The following LIPN variants were observed in gnomAD, a reference collection of about 807,000 sequenced individuals.
LIPN encodes lipase family member N, also known as lipase member N.
A neutral mutation model predicts 43.7 loss-of-function variants in LIPN; 32 were observed. That is an observed-to-expected ratio of 0.73 (90% confidence interval 0.55 to 0.98). The LOEUF (loss-of-function observed/expected upper bound fraction) is 0.98. LIPN is among the 50% of genes least tolerant of loss of function. The pLI is 0.00. For missense variants in LIPN, 505 were observed against 483.8 expected, an observed-to-expected ratio of 1.04 and a Z score of -0.41; for synonymous variants, 156 against 157.6, an observed-to-expected ratio of 0.99 and a Z score of 0.08.
intron 5 of LIPN, 109 bp downstream of exon 5, chr10:88,766,487 C>T (rs772388048): frequency 7.8e-4 from 573 of 738,698 alleles, no homozygotes; most frequent in Non-Finnish European, 1.2e-3. Context: ...CTTATAGTGC[C>T]CTCAATTCCC....
intron 2 of LIPN, among the ~76,000 whole-genome samples, chr10:88,761,764 TATCTATCTATCTATTTATCTATC>T (rs1564578430): frequency 0.03 from 1,891 of 63,344 alleles, 25 homozygotes; most frequent in African/African-American, 0.12. Flanking sequence ...TCTATCTATG[TATCTATCTATCTATTTATCTATC>T]TATCTATCTA....
intron 7 of LIPN, among the ~76,000 whole-genome samples, chr10:88,772,142 A>T (rs908207822): frequency 6.6e-6 from 1 of 151,016 alleles, no homozygotes; most frequent in Non-Finnish European, 1.5e-5. Context: ...ACCTCTTTAT[A>T]TATTCTGGTT....
intron 9 of LIPN, among the ~76,000 whole-genome samples, chr10:88,777,319 C>G (rs113027999): frequency 3.3e-5 from 5 of 152,134 alleles, no homozygotes; most frequent in African/African-American, 1.2e-4. Context: ...TAGCATTCCC[C>G]AAGGATTCTT....
chr10:88,769,331 G>GA (rs998452890), intron 6 of LIPN, among the ~76,000 whole-genome samples: 13 of 151,840 alleles, frequency 8.6e-5, no homozygotes, highest in African/African-American at 3.1e-4. Flanking sequence ...TTTGACATTA[G>GA]AAAAACCTGA....
In LIPN at chr10:88,768,781, T is replaced by C; in HGVS notation, c.536-11T>C. ...ATTTTTACAAGATTGTCTTATCTCC[T>C]GTTCTCTCAGGGTTTGTAGCCTTTT... On this transcript the variant is annotated splice_polypyrimidine_tract_variant and intron_variant, in intron 5 of 9. Transcript: ENST00000404459. 2 of 1,608,430 alleles carry C rather than the reference T, an allele frequency of 1.2e-6. No homozygotes were observed. Among genetic ancestry groups the C allele is most frequent in the Non-Finnish European group, 1.7e-6 (2 of 1,177,176 alleles).
At chr10:88,773,201 A>G (rs1843239918) in intron 7 of LIPN, among the ~76,000 whole-genome samples, 1 of 151,860 alleles carries the variant, frequency 6.6e-6, no homozygotes, top group Non-Finnish European at 1.5e-5. Flanking sequence ...TACATAGAAG[A>G]TTAAGTACTC....
At chr10:88,768,057 C>CCCAGGAAGGG (rs760343716) in intron 5 of LIPN, among the ~76,000 whole-genome samples, 11 of 131,864 alleles carry the variant, frequency 8.3e-5, no homozygotes, top group Non-Finnish European at 1.6e-5. Context: ...CACACACACA[C>CCCAGGAAGGG]ACACATGCCA....
chr10:88,763,329 A>AT (rs960799774), intron 3 of LIPN, among the ~76,000 whole-genome samples: 1 of 151,944 alleles, frequency 6.6e-6, no homozygotes, highest in African/African-American at 2.4e-5. Flanking sequence ...TTTTGTTTTT[A>AT]TTTTTTGCTA....
At position 88,766,379 on chromosome 10, in the gene LIPN, G is replaced by T. The variant is rs754922412; in HGVS notation, c.535+1G>T. 1 of 1,547,644 alleles carries T rather than the reference G, an allele frequency of 6.5e-7. No homozygotes were observed. The highest frequency in any genetic ancestry group is 1.4e-5 in the African/African-American group (1 of 73,388). Reference sequence around the variant, plus strand: ...GGACATTCACTTGGCACTACAATAGGTATGTTTATGAGGGTCACTGTTAGG... The same window carrying T: ...GGACATTCACTTGGCACTACAATAGTTATGTTTATGAGGGTCACTGTTAGG... On this transcript the variant is annotated splice_donor_variant, in intron 5 of 9. Transcript: ENST00000404459. LOFTEE classifies it high-confidence loss of function.
chr10:88,765,846 T>C (rs1477036095), intron 4 of LIPN, among the ~76,000 whole-genome samples: 1 of 151,176 alleles, frequency 6.6e-6, no homozygotes, highest in Non-Finnish European at 1.5e-5. Context: ...TTCTCAAGAG[T>C]TGCAAAGGCC....
At chr10:88,767,643 GCAAAAAAAAA>G (rs1843125954) in intron 5 of LIPN, among the ~76,000 whole-genome samples, 1 of 42,296 alleles carries the variant, frequency 2.4e-5, no homozygotes, top group African/African-American at 6.9e-5. Context: ...TACTTGATCT[GCAAAAAAAAA>G]AAAAAAAAAA....
At position 88,778,215 on chromosome 10, in the gene LIPN, C is replaced by A; in HGVS notation, c.1170C>A (p.Ile390=). Residue 390 remains isoleucine, a synonymous_variant, in exon 10 of 10, where the codon ATC becomes ATA. Coordinates refer to ENST00000404459, the MANE Select transcript of LIPN (RefSeq NM_001102469.2). ...CCCCTCAACGGATGTACAGTGAAAT[C>A]ATAGCTTTAATGAAGGCATATTCCT... ...LDAPQRMYSE[I]IALMKAYS 1 of 1,610,808 alleles carries A rather than the reference C, an allele frequency of 6.2e-7. No homozygotes were observed. The highest frequency in any genetic ancestry group is 1.1e-5 in the South Asian group (1 of 90,724).
intron 4 of LIPN, among the ~76,000 whole-genome samples, chr10:88,765,709 T>C (rs1843084067): frequency 6.6e-6 from 1 of 151,898 alleles, no homozygotes; most frequent in Admixed American, 6.6e-5. Context: ...AACATCTTAC[T>C]GAGCACCCAC....
chr10:88,770,729 C>T, intron 6 of LIPN, 116 bp from the exon 7 acceptor site: 2 of 581,248 alleles, frequency 3.4e-6, no homozygotes, highest in Non-Finnish European at 2.9e-6. Flanking sequence ...GCTTGTTGTC[C>T]TTGTTGTTGC....
intron 5 of LIPN, among the ~76,000 whole-genome samples, chr10:88,768,537 C>T (rs773668464): frequency 6.6e-6 from 1 of 151,840 alleles, no homozygotes; most frequent in Non-Finnish European, 1.5e-5. Context: ...TTAACCATCA[C>T]CTTTCCCCTG....
In LIPN at chr10:88,779,571, A is replaced by T. The variant is rs1843351941; in HGVS notation, c.*1329A>T. 6.6e-6 allele frequency among the ~76,000 whole-genome samples: 1 copy of T among 152,212 alleles called. No homozygotes were observed. Among genetic ancestry groups the T allele is most frequent in the Non-Finnish European group, 1.5e-5 (1 of 68,038 alleles). On this transcript the variant is annotated 3_prime_UTR_variant, in exon 10 of 10. Transcript: ENST00000404459. ...TTATATGACTTTATAAAATATTTGT[A>T]TATAATGAAAACTGAAGCAATATAA...
At position 88,779,349 on chromosome 10, in the gene LIPN, CT is replaced by C. The variant is rs773383587; in HGVS notation, c.*1108del. Among the ~76,000 whole-genome samples the C allele has an allele frequency of 6.6e-6, 1 of 152,168 alleles. No individual in the cohort carries two copies. Among genetic ancestry groups the C allele is most frequent in the Non-Finnish European group, 1.5e-5 (1 of 68,042 alleles). On this transcript the variant is annotated 3_prime_UTR_variant, in exon 10 of 10. Transcript: ENST00000404459. ...CCTGCTCTGCTGGCAAATCCACAAGCTGCTGGCCCCTGGAGCCATTCTTCTC... is the reference window on the plus strand; with the variant it reads ...CCTGCTCTGCTGGCAAATCCACAAGCGCTGGCCCCTGGAGCCATTCTTCTC...
chr10:88,768,017 C>CACATAT (rs1843137593), intron 5 of LIPN, among the ~76,000 whole-genome samples: 1 of 5,050 alleles, frequency 2.0e-4, no homozygotes, highest in Admixed American at 6.9e-4. Context: ...TGTTTCAGTA[C>CACATAT]ACACACACAC....
Position 88,764,438 on chromosome 10 carries a change from T to C in LIPN, c.255T>C (p.His85=), listed in dbSNP as rs1843054724. 1.2e-6 allele frequency: 2 copies of C among 1,612,254 alleles called. No individual in the cohort carries two copies. The highest frequency in any genetic ancestry group is 1.3e-5 in the African/African-American group (1 of 74,772). The change falls in exon 4 of 10, where the codon CAT becomes CAC. Residue 85 remains histidine, a synonymous_variant. Coordinates refer to ENST00000404459, the MANE Select transcript of LIPN (RefSeq NM_001102469.2). ...CCCGGCCAGTTGTGTATATGCAGCA[T>C]GCCCTGTTTGCAGACAATGCCTACT... The part of the protein sequence containing the change: ...TGPRPVVYMQ[H]ALFADNAYWL...
Sources: allele counts gnomAD v4.1 joint callset (sites outside exome capture counted in the v4.1 genomes callset), GRCh38; gene constraint gnomAD v4.1.1; transcripts MANE v1.5; gene names NCBI Gene and HGNC (gene_info 2026-07-23, HGNC 2026-07-21).